DLGAP1: variants seen among roughly 807,000 people sequenced by gnomAD.
DLGAP1 encodes DLG associated protein 1, also known as disks large-associated protein 1.
DLGAP1 carries 11 observed loss-of-function variants against 90.8 expected under a neutral mutation model. That is an observed-to-expected ratio of 0.12 (90% CI 0.08 to 0.20). DLGAP1 has a LOEUF of 0.20. Among genes scored for constraint, DLGAP1 ranks in the 10% least tolerant of loss-of-function variants. DLGAP1 has a pLI of 1.00. For missense variants in DLGAP1, 1,050 were observed against 1,333.8 expected (o/e 0.79, Z 3.31); for synonymous variants, 558 against 540.7 (o/e 1.03, Z -0.44).
chr18:4,237,763 G>A lies in DLGAP1; in HGVS notation c.-266-86476C>T, dbSNP rs1370708815. ...TTCAATATGTACAAATGGCTCCAGTGACAGCGGGAATTATTGAACTTAAAC... is the reference window on the plus strand; with the variant it reads ...TTCAATATGTACAAATGGCTCCAGTAACAGCGGGAATTATTGAACTTAAAC... On this transcript the variant is annotated intron_variant, in intron 1 of 12. Transcript: ENST00000315677. 2.0e-5 allele frequency among the ~76,000 whole-genome samples: 3 copies of A among 151,776 alleles called. No individual in the cohort carries two copies. In the East Asian group the frequency reaches 5.8e-4, roughly 29 times the overall value.
chr18:3,934,788 T>C (rs1183093779), intron 3 of DLGAP1, among the ~76,000 whole-genome samples: 1 of 152,222 alleles, frequency 6.6e-6, no homozygotes, highest in Non-Finnish European at 1.5e-5. Flanking sequence ...GGAGATAATA[T>C]GTGTATAGAC....
At chr18:3,893,023 T>C (rs1371235470) in intron 3 of DLGAP1, among the ~76,000 whole-genome samples, 2 of 151,854 alleles carry the variant, frequency 1.3e-5, no homozygotes, top group East Asian at 1.9e-4. Flanking sequence ...AAGTGTACAT[T>C]GTACCTATTA....
rs962514476 is a variant in DLGAP1 at position 3,841,991 on chromosome 18, A to G, written c.958-27718T>C. ...GAAATGATGGGTGCTATGAGAGCAT[A>G]TTGGGAGAGGATACCTCACTTAAAC... On this transcript the variant is annotated intron_variant, in intron 4 of 12. Transcript: ENST00000315677. Among the ~76,000 whole-genome samples, 106 of 152,046 alleles carry G rather than the reference A, an allele frequency of 7.0e-4. 1 individual carries two copies. Among genetic ancestry groups the G allele is most frequent in the African/African-American group, 2.5e-3 (102 of 41,400 alleles).
intron 1 of DLGAP1, among the ~76,000 whole-genome samples, chr18:4,396,579 T>C (rs559893810): frequency 2.0e-5 from 3 of 152,202 alleles, no homozygotes; most frequent in African/African-American, 7.2e-5. Context: ...TAGTGCTGGG[T>C]ATTGGCGCTC....
chr18:4,393,991 G>A (rs1284973358), intron 1 of DLGAP1, among the ~76,000 whole-genome samples: 2 of 152,156 alleles, frequency 1.3e-5, no homozygotes, highest in African/African-American at 2.4e-5. Context: ...GTGCGGCCAG[G>A]TTCCTAACTG....
At chr18:4,189,991 T>C (rs73371034) in intron 1 of DLGAP1, among the ~76,000 whole-genome samples, 3,966 of 152,222 alleles carry the variant, frequency 0.026, 175 homozygotes, top group African/African-American at 0.089. Context: ...CTAGCAGTTT[T>C]ATGCAAACCT....
intron 1 of DLGAP1, among the ~76,000 whole-genome samples, chr18:4,405,101 A>T (rs1483829526): frequency 6.6e-6 from 1 of 152,236 alleles, no homozygotes; most frequent in Admixed American, 6.5e-5. Flanking sequence ...TCACATTCAT[A>T]AGTGAGGTTT....
intron 5 of DLGAP1, among the ~76,000 whole-genome samples, chr18:3,762,697 GTATCTCTTCTATGTAATCGCC>G (rs1410264380): frequency 6.6e-6 from 1 of 152,086 alleles, no homozygotes; most frequent in Admixed American, 6.5e-5. Context: ...CACAAAAAAG[GTATCTCTTCTATGTAATCGCC>G]TTCAATGGTT....
intron 1 of DLGAP1, among the ~76,000 whole-genome samples, chr18:4,318,391 C>G (rs1470776348): frequency 1.2e-4 from 18 of 152,112 alleles, no homozygotes; most frequent in Non-Finnish European, 2.5e-4. Flanking sequence ...TGAAGCTGCC[C>G]TGCTTGAAAA....
At chr18:3,575,694 CA>C (rs1043511937) in intron 8 of DLGAP1, among the ~76,000 whole-genome samples, 2 of 151,896 alleles carry the variant, frequency 1.3e-5, no homozygotes, top group South Asian at 2.1e-4. Context: ...TATAAGAAAA[CA>C]AAAAAAATTT....
At chr18:3,669,345 T>G (rs976252346) in intron 7 of DLGAP1, among the ~76,000 whole-genome samples, 1 of 152,084 alleles carries the variant, frequency 6.6e-6, no homozygotes. Context: ...CCCACGGACC[T>G]AGGCGAGGAC....
intron 2 of DLGAP1, among the ~76,000 whole-genome samples, chr18:4,026,292 G>A (rs1431007048): frequency 6.6e-6 from 1 of 152,206 alleles, no homozygotes; most frequent in African/African-American, 2.4e-5. Context: ...TCATACAGAT[G>A]TCTAGGTTTT....
intron 1 of DLGAP1, among the ~76,000 whole-genome samples, chr18:4,319,019 T>G (rs1463889087): frequency 6.6e-6 from 1 of 152,150 alleles, no homozygotes; most frequent in Non-Finnish European, 1.5e-5. Context: ...ACACAAAAAA[T>G]TATAACAGTG....
At chr18:3,998,237 G>A (rs1480152645) in intron 3 of DLGAP1, among the ~76,000 whole-genome samples, 3 of 152,282 alleles carry the variant, frequency 2.0e-5, no homozygotes, top group African/African-American at 7.2e-5. Context: ...AATATGTATA[G>A]GGAAGTTAGG....
intron 2 of DLGAP1, among the ~76,000 whole-genome samples, chr18:4,092,408 C>T (rs777675074): frequency 1.3e-5 from 2 of 152,162 alleles, no homozygotes; most frequent in Non-Finnish European, 2.9e-5. Context: ...TGTGATCCTG[C>T]CCCTCCTCCC....
intron 1 of DLGAP1, among the ~76,000 whole-genome samples, chr18:4,433,097 G>A (rs1196692726): frequency 2.0e-5 from 3 of 152,160 alleles, no homozygotes; most frequent in Admixed American, 1.3e-4. Flanking sequence ...AGTTCAAGCC[G>A]AGATTTGACT....
At chr18:3,906,188 A>G (rs1350972891) in intron 3 of DLGAP1, among the ~76,000 whole-genome samples, 4 of 152,226 alleles carry the variant, frequency 2.6e-5, no homozygotes, top group African/African-American at 9.6e-5. Flanking sequence ...ACTGAACTAC[A>G]TCTCGGAAGT....
chr18:4,401,790 A>C (rs1377223119), intron 1 of DLGAP1, among the ~76,000 whole-genome samples: 1 of 152,004 alleles, frequency 6.6e-6, no homozygotes, highest in Non-Finnish European at 1.5e-5. Flanking sequence ...TTTGAAAAGA[A>C]AAGCCATGTT....
chr18:3,744,235 A>G (rs1415119101), intron 5 of DLGAP1, among the ~76,000 whole-genome samples: 1 of 152,174 alleles, frequency 6.6e-6, no homozygotes, highest in East Asian at 1.9e-4. Context: ...CATCTGAAAA[A>G]CCATGAGAAC....
Sources: allele counts gnomAD v4.1 joint callset (sites outside exome capture counted in the v4.1 genomes callset), GRCh38; gene constraint gnomAD v4.1.1; transcripts MANE v1.5; gene names NCBI Gene and HGNC (gene_info 2026-07-23, HGNC 2026-07-21).